The following RIMS1 variants were observed in gnomAD, a reference collection of about 807,000 sequenced individuals.
RIMS1 encodes regulating synaptic membrane exocytosis 1.
A neutral mutation model predicts 214.1 loss-of-function variants in RIMS1; 83 were observed. That is an observed-to-expected ratio of 0.39 (90% CI 0.32 to 0.47). The LOEUF (loss-of-function observed/expected upper bound fraction) is 0.47. Ranked by LOEUF, RIMS1 falls within the 20% of genes least tolerant of loss-of-function variation. The probability of loss-of-function intolerance (pLI) is 0.99; values close to 1 mark genes in which losing one functional copy is unlikely to be tolerated. For synonymous variants in RIMS1, 793 were observed against 786.8 expected (o/e 1.01, Z -0.13); for missense variants, 2,050 against 2,161.8 (o/e 0.95, Z 1.03).
chr6:72,339,497 T>C (rs1330027840), intron 29 of RIMS1, among the ~76,000 whole-genome samples: 1 of 151,732 alleles, frequency 6.6e-6, no homozygotes, highest in East Asian at 2.0e-4. Context: ...TGTGTTCTCA[T>C]TGTTCAATTC....
chr6:72,072,045 A>T (rs922165360), intron 2 of RIMS1, among the ~76,000 whole-genome samples: 3 of 152,206 alleles, frequency 2.0e-5, no homozygotes, highest in Non-Finnish European at 4.4e-5. Context: ...TATTGTAAAG[A>T]TGGAATTATA....
chr6:72,237,759 C>T, intron 8 of RIMS1, 64 bp from the exon 9 acceptor site: 1 of 1,184,030 alleles, frequency 8.4e-7, no homozygotes, highest in Non-Finnish European at 1.3e-6. Flanking sequence ...GGATTAATTC[C>T]TCAAACTAAT....
chr6:71,909,521 A>C (rs1776286899), intron 1 of RIMS1, among the ~76,000 whole-genome samples: 1 of 152,150 alleles, frequency 6.6e-6, no homozygotes, highest in Admixed American at 6.6e-5. Flanking sequence ...TGCTGTCTCT[A>C]ATCTAACCCT....
chr6:72,253,294 G>A, intron 16 of RIMS1, among the ~76,000 whole-genome samples: 1 of 152,134 alleles, frequency 6.6e-6, no homozygotes, highest in Non-Finnish European at 1.5e-5. Flanking sequence ...AACTTTTAAA[G>A]CTTTTGTGAT....
intron 7 of RIMS1, among the ~76,000 whole-genome samples, chr6:72,235,360 AC>A: frequency 6.6e-6 from 1 of 151,870 alleles, no homozygotes; most frequent in South Asian, 2.1e-4. Flanking sequence ...CCTTCTCCCT[AC>A]CTTCCCAGCC....
chr6:71,951,800 G>A (rs1789668206), intron 1 of RIMS1, among the ~76,000 whole-genome samples: 2 of 151,870 alleles, frequency 1.3e-5, no homozygotes, highest in African/African-American at 4.8e-5. Context: ...GAGCCACCAT[G>A]CTTGGCCTGT....
At chr6:72,198,543 G>T (rs2051383972) in intron 6 of RIMS1, among the ~76,000 whole-genome samples, 1 of 151,770 alleles carries the variant, frequency 6.6e-6, no homozygotes, top group Non-Finnish European at 1.5e-5. Flanking sequence ...CTGCTCAATG[G>T]GTACAAACTT....
intron 2 of RIMS1, among the ~76,000 whole-genome samples, chr6:72,075,897 T>C (rs1831723423): frequency 6.6e-6 from 1 of 152,224 alleles, no homozygotes; most frequent in Non-Finnish European, 1.5e-5. Context: ...CCATGAAGGC[T>C]GTTCTTTTAG....
chr6:72,250,525 T>C, intron 13 of RIMS1, 65 bp downstream of exon 13: 2 of 1,195,430 alleles, frequency 1.7e-6, no homozygotes, highest in Non-Finnish European at 1.2e-6. Context: ...TAGAATTTTC[T>C]CTTTTGGGAT....
At chr6:72,134,029 A>G (rs1314676389) in intron 4 of RIMS1, among the ~76,000 whole-genome samples, 2 of 152,156 alleles carry the variant, frequency 1.3e-5, no homozygotes, top group Admixed American at 1.3e-4. Flanking sequence ...AGAGTGATCA[A>G]TAATATACAT....
chr6:72,144,656 C>T (rs571070701), intron 4 of RIMS1, among the ~76,000 whole-genome samples: 1 of 152,096 alleles, frequency 6.6e-6, no homozygotes, highest in Non-Finnish European at 1.5e-5. Flanking sequence ...AAAGACACTC[C>T]ATTTACCCCC....
intron 29 of RIMS1, among the ~76,000 whole-genome samples, chr6:72,355,648 G>A (rs895281990): frequency 6.6e-6 from 1 of 152,078 alleles, no homozygotes; most frequent in Non-Finnish European, 1.5e-5. Context: ...CTGCCAGTTC[G>A]AGATGTTGGA....
Position 72,163,458 on chromosome 6 carries a change from A to C in RIMS1, c.472-16117A>C, listed in dbSNP as rs544897556. 2.8e-4 allele frequency among the ~76,000 whole-genome samples: 39 copies of C among 140,634 alleles called. 7 individuals carry two copies. Among genetic ancestry groups the C allele is most frequent in the Non-Finnish European group, 5.8e-4 (36 of 61,834 alleles). 92.3% of individuals were successfully genotyped at this position (140,634 alleles called of 152,430 possible). ...TGTGTTCCTTTGGAGGAGGAGAGGC[A>C]CTCTGATTTTTAATTTCCAGTTTTT... On this transcript the variant is annotated intron_variant, in intron 4 of 33. Coordinates refer to ENST00000521978, the MANE Select transcript of RIMS1 (RefSeq NM_014989.7).
chr6:72,058,657 G>C (rs1007065080), intron 2 of RIMS1, among the ~76,000 whole-genome samples: 3 of 152,124 alleles, frequency 2.0e-5, no homozygotes, highest in African/African-American at 7.2e-5. Flanking sequence ...CCTCCCCAAA[G>C]ACCTTTTTCT....
chr6:72,342,324 G>T (rs2097121545), intron 29 of RIMS1, among the ~76,000 whole-genome samples: 1 of 151,532 alleles, frequency 6.6e-6, no homozygotes, highest in Non-Finnish European at 1.5e-5. Flanking sequence ...TCTTGTCATG[G>T]GTGGGAAAGG....
At position 72,124,238 on chromosome 6, in the gene RIMS1, G is replaced by C. The variant is rs11751147; in HGVS notation, c.471+24252G>C. Among the ~76,000 whole-genome samples, 3 of 151,820 alleles carry C rather than the reference G, an allele frequency of 2.0e-5. No individual in the cohort carries two copies. In the South Asian group the frequency reaches 6.2e-4, roughly 32 times the overall value. On this transcript the variant is annotated intron_variant, in intron 4 of 33. Coordinates refer to ENST00000521978, the MANE Select transcript of RIMS1 (RefSeq NM_014989.7). ...ATTTCTCCTTCATTTATGAAGCTTA[G>C]TTTGGCTGGATATGAAAATCTGGGT...
intron 22 of RIMS1, among the ~76,000 whole-genome samples, chr6:72,267,272 A>C (rs977052863): frequency 2.6e-5 from 4 of 152,122 alleles, no homozygotes; most frequent in Admixed American, 6.6e-5. Context: ...GTAGCAAGAA[A>C]ATTTTAAAAT....
At chr6:72,207,819 T>G (rs2053186305) in intron 6 of RIMS1, among the ~76,000 whole-genome samples, 1 of 152,148 alleles carries the variant, frequency 6.6e-6, no homozygotes, top group East Asian at 1.9e-4. Context: ...GAGAAAAACC[T>G]ATAAATGATT....
intron 6 of RIMS1, among the ~76,000 whole-genome samples, chr6:72,229,505 T>G (rs921847686): frequency 1.3e-5 from 2 of 151,900 alleles, no homozygotes; most frequent in African/African-American, 2.4e-5. Context: ...TAAATAATAT[T>G]TATTTCTTAT....
Sources: allele counts gnomAD v4.1 joint callset (sites outside exome capture counted in the v4.1 genomes callset), GRCh38; gene constraint gnomAD v4.1.1; transcripts MANE v1.5; gene names NCBI Gene and HGNC (gene_info 2026-07-23, HGNC 2026-07-21).